The following SAMTOR variants were observed in gnomAD, a reference collection of about 807,000 sequenced individuals.
The protein encoded by SAMTOR is UPF0532 protein C7orf60.
At chr7:112,916,980 C>T in the SAMTOR span, among the ~76,000 whole-genome samples, 94 of 152,258 alleles carry the variant, frequency 6.2e-4, 1 homozygote, top group Admixed American at 1.4e-3. Flanking sequence ...CTCAAGGAGG[C>T]CTGCCTGCCT....
the SAMTOR span, among the ~76,000 whole-genome samples, chr7:112,828,472 T>TTTC: frequency 6.6e-6 from 1 of 152,142 alleles, no homozygotes; most frequent in South Asian, 2.1e-4. Flanking sequence ...TGAGTTAAAA[T>TTTC]TTCTCCTTTT....
chr7:112,821,986 T>C, the SAMTOR span: 1 of 1,613,586 alleles, frequency 6.2e-7, no homozygotes, highest in Non-Finnish European at 8.5e-7. Context: ...AAGTCACTTG[T>C]GGTTTTTAGA....
chr7:112,874,916 G>A, the SAMTOR span, among the ~76,000 whole-genome samples: 1 of 152,054 alleles, frequency 6.6e-6, no homozygotes, highest in Non-Finnish European at 1.5e-5. Flanking sequence ...CAGTTCCCAT[G>A]GACCCTTAGG....
the SAMTOR span, among the ~76,000 whole-genome samples, chr7:112,920,830 T>C: frequency 1.3e-5 from 2 of 151,668 alleles, no homozygotes; most frequent in African/African-American, 4.8e-5. Context: ...AAATCATGAG[T>C]GAACTCCCAT....
chr7:112,913,189 T>G, the SAMTOR span, among the ~76,000 whole-genome samples: 4 of 152,294 alleles, frequency 2.6e-5, no homozygotes, highest in African/African-American at 9.6e-5. Context: ...CCATCCCATC[T>G]CCTATTATTT....
chr7:112,844,799 A>T, the SAMTOR span, among the ~76,000 whole-genome samples: 1 of 152,180 alleles, frequency 6.6e-6, no homozygotes, highest in Non-Finnish European at 1.5e-5. Flanking sequence ...AGGCAATCCT[A>T]AGCAAAAAGA....
chr7:112,926,403 A>G, the SAMTOR span, among the ~76,000 whole-genome samples: 2 of 152,216 alleles, frequency 1.3e-5, no homozygotes. Flanking sequence ...GAAGACCTCT[A>G]GTTTTTCATA....
chr7:112,867,795 G>C, the SAMTOR span, among the ~76,000 whole-genome samples: 3 of 152,196 alleles, frequency 2.0e-5, no homozygotes, highest in African/African-American at 7.2e-5. Flanking sequence ...AGCAAAACAT[G>C]AAAAATTATG....
At chr7:112,867,525 G>A in the SAMTOR span, among the ~76,000 whole-genome samples, 7 of 152,080 alleles carry the variant, frequency 4.6e-5, no homozygotes, top group Non-Finnish European at 1.0e-4. Context: ...CTACCCATAC[G>A]TGAAGAAGTT....
chr7:112,930,948 T>C, the SAMTOR span, among the ~76,000 whole-genome samples: 1 of 152,186 alleles, frequency 6.6e-6, no homozygotes, highest in African/African-American at 2.4e-5. Flanking sequence ...CTTTCATGGA[T>C]ATGAGCAAAG....
At chr7:112,868,137 G>A in the SAMTOR span, among the ~76,000 whole-genome samples, 1 of 152,308 alleles carries the variant, frequency 6.6e-6, no homozygotes, top group East Asian at 1.9e-4. Context: ...GTGCCAAAAG[G>A]GTTGGGGACT....
chr7:112,929,528 C>T, the SAMTOR span, among the ~76,000 whole-genome samples: 4 of 151,964 alleles, frequency 2.6e-5, no homozygotes, highest in South Asian at 8.3e-4. Flanking sequence ...TATGGAGGTT[C>T]CTAAAAAAAT....
At chr7:112,835,708 T>TC in the SAMTOR span, among the ~76,000 whole-genome samples, 3 of 152,110 alleles carry the variant, frequency 2.0e-5, no homozygotes, top group African/African-American at 7.2e-5. Flanking sequence ...ATCACTTAGC[T>TC]CCCACTAACA....
At chr7:112,918,746 G>C in the SAMTOR span, among the ~76,000 whole-genome samples, 3 of 152,164 alleles carry the variant, frequency 2.0e-5, no homozygotes, top group South Asian at 4.1e-4. Flanking sequence ...TAAAGGGATG[G>C]AGGAAGATCT....
chr7:112,880,028 T>C, the SAMTOR span, among the ~76,000 whole-genome samples: 1 of 152,128 alleles, frequency 6.6e-6, no homozygotes, highest in Non-Finnish European at 1.5e-5. Flanking sequence ...TATAAACAGG[T>C]TAACAGAATA....
the SAMTOR span, among the ~76,000 whole-genome samples, chr7:112,863,476 T>C: frequency 5.3e-5 from 8 of 152,278 alleles, no homozygotes; most frequent in East Asian, 1.4e-3. Context: ...CAAAAGAAAC[T>C]GTCAACAGAG....
the SAMTOR span, among the ~76,000 whole-genome samples, chr7:112,865,059 A>G: frequency 2.6e-5 from 4 of 152,002 alleles, no homozygotes; most frequent in Non-Finnish European, 5.9e-5. Context: ...TGGCCTAAAA[A>G]TTTCTGTATT....
At chr7:112,929,233 A>G in the SAMTOR span, among the ~76,000 whole-genome samples, 1 of 151,956 alleles carries the variant, frequency 6.6e-6, no homozygotes, top group East Asian at 1.9e-4. Flanking sequence ...AAAACCTCAA[A>G]CTGAATAGCA....
chr7:112,882,770 A>ATT, the SAMTOR span, among the ~76,000 whole-genome samples: 248 of 149,318 alleles, frequency 1.7e-3, no homozygotes, highest in African/African-American at 5.7e-3. Context: ...TTTTTTTAAA[A>ATT]AAAAAAAAAA....
Sources: gnomAD v4.1 joint callset for allele counts (sites outside exome capture counted in the v4.1 genomes callset) on GRCh38, gnomAD v4.1.1 for gene constraint, MANE v1.5 for transcripts, NCBI Gene and HGNC (gene_info 2026-07-23, HGNC 2026-07-21) for gene names.